DHX8: variants seen among roughly 807,000 people sequenced by gnomAD.
DHX8 encodes the protein DEAH-box helicase 8.
A neutral mutation model predicts 140.7 loss-of-function variants in DHX8; 67 were observed. The observed-to-expected ratio is 0.48, with a 90% CI of 0.39 to 0.58. The LOEUF is 0.58. Among genes scored for constraint, DHX8 ranks in the 20% least tolerant of loss-of-function variants. DHX8 has a pLI of 0.00. For synonymous variants in DHX8, 533 were observed against 553.2 expected, an observed-to-expected ratio of 0.96 and a Z score of 0.51; for missense variants, 887 against 1,550.7, an observed-to-expected ratio of 0.57 and a Z score of 7.19.
At chr17:43,513,905 G>A (rs1969978135) in intron 17 of DHX8, among the ~76,000 whole-genome samples, 1 of 151,882 alleles carries the variant, frequency 6.6e-6, no homozygotes. Flanking sequence ...TAGAGACGGG[G>A]TTTCATCATG....
Position 43,491,128 on chromosome 17 carries a change from C to T in DHX8, c.308-37C>T, listed in dbSNP as rs181886394. The T allele has an allele frequency of 3.7e-3, 3,797 of 1,034,944 alleles. 10 individuals carry two copies. The highest frequency in any genetic ancestry group is 4.3e-3 in the Non-Finnish European group (3,113 of 725,826). The allele number at this position is 1,034,944 out of a possible 1,614,324, so 64.1% of individuals were successfully genotyped here. The stretch of plus-strand genomic sequence containing the variant: ...CATTAATAATATTAAATATATATCT[C>T]TTTTTTTAACCCCTTCATGCTCTTT... On this transcript the variant is annotated intron_variant, in intron 3 of 22. Transcript: ENST00000262415.
chr17:43,525,951 C>T (rs1970599888), downstream of DHX8: 13 of 985,348 alleles, frequency 1.3e-5, no homozygotes, highest in East Asian at 1.1e-4. Context: ...CAGCAGGGTT[C>T]GTTATCTTTT....
At chr17:43,529,840 C>T, downstream of DHX8, 6 of 1,606,540 alleles carry the variant, frequency 3.7e-6, no homozygotes, top group East Asian at 2.2e-5. Context: ...AGGGACACAG[C>T]GTGATAAGAC....
rs182695090 is a variant in DHX8 at position 43,497,842 on chromosome 17, G to A, written c.1301-1020G>A. Reference sequence around the variant, plus strand: ...ATTGTTTTCTGTTGGTTTCTGTACCGTTTATACTTCTGCCATAAGTGTAAG... The same window carrying A: ...ATTGTTTTCTGTTGGTTTCTGTACCATTTATACTTCTGCCATAAGTGTAAG... On this transcript the variant is annotated intron_variant, in intron 9 of 22. Transcript: ENST00000262415. Among the ~76,000 whole-genome samples, 53 of 152,242 alleles carry A rather than the reference G, an allele frequency of 3.5e-4. No individual in the cohort carries two copies. In the East Asian group the frequency reaches 7.5e-3, roughly 22 times the overall value.
chr17:43,492,966 C>T lies in DHX8; in HGVS notation c.789C>T (p.Thr263=), dbSNP rs774692689. 12 of 1,614,052 alleles carry T rather than the reference C, an allele frequency of 7.4e-6. No individual in the cohort carries two copies. In the African/African-American group the frequency reaches 1.3e-4, roughly 18 times the overall value. ...HVDRPPPEEP[T]IGDIYNGKVT... The stretch of plus-strand genomic sequence containing the variant: ...ACCGCCCTCCTCCAGAAGAGCCCAC[C>T]ATTGGTGACATTTATAATGGCAAAG... Residue 263 remains threonine, a synonymous_variant, in exon 6 of 23, where the codon ACC becomes ACT. Coordinates refer to ENST00000262415, the MANE Select transcript of DHX8 (RefSeq NM_004941.3).
chr17:43,484,168 T>A lies in DHX8; in HGVS notation c.131T>A (p.Ile44Asn). Residue 44 changes from isoleucine (I) to asparagine (N), a missense_variant, in exon 1 of 23, where the codon ATC (isoleucine) becomes AAC (asparagine). This residue lies in a region of DHX8 where 304 missense variants were observed against 306.9 expected (regional missense o/e 0.99). Coordinates refer to ENST00000262415, the MANE Select transcript of DHX8 (RefSeq NM_004941.3). ...VCTELDNHLG[I>N]NDKDLAEFVI... ...ACTGAGCTGGACAATCACTTGGGGA[T>A]CAACGACAAGGACCTTGGTGAGCTC... 6.2e-7 allele frequency: 1 copy of A among 1,614,050 alleles called. No individual in the cohort carries two copies. Among genetic ancestry groups the A allele is most frequent in the Non-Finnish European group, 8.5e-7 (1 of 1,179,980 alleles).
At chr17:43,519,605 C>G (rs1002974405) in intron 18 of DHX8, 1 of 152,012 alleles carries the variant, frequency 6.6e-6, no homozygotes, top group African/African-American at 2.4e-5. Context: ...CCCTCCTTGG[C>G]CTCCCAAACT....
At chr17:43,540,201 C>G (rs1971452498) in intron 3 of DHX8, among the ~76,000 whole-genome samples, 1 of 152,174 alleles carries the variant, frequency 6.6e-6, no homozygotes, top group Admixed American at 6.5e-5. Context: ...GCCTGTAATC[C>G]CAGCACTTTG....
Position 43,518,190 on chromosome 17 carries a change from A to G in DHX8, c.2799+868A>G, listed in dbSNP as rs570570178. 4 of 152,358 alleles carry G rather than the reference A, an allele frequency of 2.6e-5. No homozygotes were observed. The South Asian group carries it at 8.3e-4, about 32-fold the overall frequency. 9.4% of individuals were successfully genotyped at this position (152,358 alleles called of 1,614,324 possible). A position where few individuals can be genotyped will look rare whatever the true frequency, so the allele number is the denominator to read the frequency against. On this transcript the variant is annotated intron_variant, in intron 18 of 22. Coordinates refer to ENST00000262415, the MANE Select transcript of DHX8 (RefSeq NM_004941.3). ...CTTGGCACAGTGCTTGATGATTGCT[A>G]ACATAATTCATCATAGTTATTATTC... is the stretch of plus-strand genomic sequence containing the variant.
chr17:43,522,050 C>T lies in DHX8; in HGVS notation c.3267C>T (p.His1089=), dbSNP rs2229793. 9.5e-5 allele frequency: 154 copies of T among 1,613,676 alleles called. No homozygotes were observed. The African/African-American group carries it at 1.9e-3, about 20-fold the overall frequency. The stretch of plus-strand genomic sequence containing the variant: ...ATCTTTTGTCCTATCTTGATAGACA[C>T]AAGCTGGATGTTGTTTCCTGTGGCA... ...RKQMLGIMDR[H]KLDVVSCGKS... The change falls in exon 22 of 23, where the codon CAC becomes CAT. Residue 1089 remains histidine, a synonymous_variant. Transcript: ENST00000262415.
intron 9 of DHX8, among the ~76,000 whole-genome samples, chr17:43,497,772 G>A (rs1968948992): frequency 6.6e-6 from 1 of 151,942 alleles, no homozygotes; most frequent in African/African-American, 2.4e-5. Flanking sequence ...AAAAATTACT[G>A]GGTAGTAAGA....
downstream of DHX8, among the ~76,000 whole-genome samples, chr17:43,531,126 G>A (rs1970911242): frequency 2.0e-5 from 3 of 152,298 alleles, no homozygotes; most frequent in African/African-American, 7.2e-5. Context: ...GTTCTTAGTT[G>A]GACAGCCTGG....
At chr17:43,521,346 T>C (rs777127114) in intron 20 of DHX8, 23 bp from the exon 21 acceptor site, 4 of 1,592,284 alleles carry the variant, frequency 2.5e-6, no homozygotes, top group Non-Finnish European at 3.4e-6. Flanking sequence ...TCGGAAATGT[T>C]CCTCTGTCCC....
Position 43,524,980 on chromosome 17 carries a change from G to A in DHX8, c.*1133G>A. On this transcript the variant is annotated 3_prime_UTR_variant, in exon 23 of 23. Coordinates refer to ENST00000262415, the MANE Select transcript of DHX8 (RefSeq NM_004941.3). ...GGTTTTTTTTTTTTCTTCCCATAGA[G>A]ATGGGTTCCCACTGTGCTGCCCAGG... The A allele has an allele frequency of 1.0e-6, 1 of 984,274 alleles. No homozygotes were observed. The highest frequency in any genetic ancestry group is 1.2e-6 in the Non-Finnish European group (1 of 829,446). The allele number at this position is 984,274 out of a possible 1,614,324, so 61.0% of individuals were successfully genotyped here.
intron 3 of DHX8, among the ~76,000 whole-genome samples, chr17:43,543,189 C>A (rs376690109): frequency 4.6e-5 from 7 of 151,784 alleles, no homozygotes; most frequent in African/African-American, 1.7e-4. Flanking sequence ...GCCCACCCCC[C>A]TCACCTCCGC....
At chr17:43,528,084 G>A (rs1451412205), downstream of DHX8, 5 of 236,054 alleles carry the variant, frequency 2.1e-5, no homozygotes, top group East Asian at 1.2e-4. Context: ...GGGCCACAGC[G>A]TGGGGCAGAG....
intron 11 of DHX8, among the ~76,000 whole-genome samples, chr17:43,500,344 A>G (rs1969113425): frequency 6.6e-6 from 1 of 152,012 alleles, no homozygotes; most frequent in Non-Finnish European, 1.5e-5. Context: ...AAAGTTAGCC[A>G]GGCATGGTGG....
chr17:43,522,070 G>C lies in DHX8; in HGVS notation c.3287G>C (p.Cys1096Ser), dbSNP rs768798111. Residue 1096 changes from cysteine to serine, a missense_variant, in exon 22 of 23, where the codon TGT becomes TCT. Physicochemically the swap from Cys to Ser is moderately radical, Grantham distance 112. This residue lies in a region of DHX8 where 101 missense variants were observed against 168.2 expected (regional missense o/e 0.60). Coordinates refer to ENST00000262415, the MANE Select transcript of DHX8 (RefSeq NM_004941.3). ...AGACACAAGCTGGATGTTGTTTCCT[G>C]TGGCAAGTCCACAGTCCGAGTGCAG... ...MDRHKLDVVS[C>S]GKSTVRVQKA... 5.0e-6 allele frequency: 8 copies of C among 1,614,034 alleles called. No homozygotes were observed. The highest frequency in any genetic ancestry group is 6.8e-6 in the Non-Finnish European group (8 of 1,179,964).
chr17:43,503,023 C>T (rs189902824), intron 11 of DHX8, among the ~76,000 whole-genome samples: 45 of 152,186 alleles, frequency 3.0e-4, no homozygotes, highest in African/African-American at 9.9e-4. Flanking sequence ...AAATTCTGCT[C>T]ATTTTTTTTT....
Sources: allele counts gnomAD v4.1 joint callset (sites outside exome capture counted in the v4.1 genomes callset), GRCh38; gene constraint gnomAD v4.1.1; regional missense constraint gnomAD v4.1.1; transcripts MANE v1.5; gene names NCBI Gene and HGNC (gene_info 2026-07-23, HGNC 2026-07-21).